Variants in OR51B5 observed in about 807,000 individuals in gnomAD.
The protein encoded by OR51B5 is olfactory receptor family 51 subfamily B member 5, also known as olfactory receptor 51B5.
For missense variants in OR51B5, 456 were observed against 374.6 expected (o/e 1.22, Z -1.79); for synonymous variants, 186 against 144.8 (o/e 1.28, Z -2.04).
At chr11:5,452,969 C>T (rs1266095588) in intron 1 of OR51B5, among the ~76,000 whole-genome samples, 1 of 152,182 alleles carries the variant, frequency 6.6e-6, no homozygotes, top group Admixed American at 6.5e-5. Flanking sequence ...CCCTCTCCAT[C>T]CAAGCACACA....
chr11:5,398,024 G>A (rs1379443599), intron 1 of OR51B5, among the ~76,000 whole-genome samples: 1 of 152,074 alleles, frequency 6.6e-6, no homozygotes, highest in Non-Finnish European at 1.5e-5. Context: ...ACACAGGAAG[G>A]GGAACATCAC....
In OR51B5 at chr11:5,459,132, T is replaced by A. The variant is rs113601568; in HGVS notation, n.84+46437A>T. ...ATTATTTTGAGGTATAATCCTTCAATACCTAGTTTATTGAGTGTTTTTAGT... is the reference window on the plus strand; with the variant it reads ...ATTATTTTGAGGTATAATCCTTCAAAACCTAGTTTATTGAGTGTTTTTAGT... On this transcript the variant is annotated intron_variant and non_coding_transcript_variant, in intron 1 of 4. Coordinates refer to the OR51B5 transcript ENST00000415970. Among the ~76,000 whole-genome samples, 1,377 of 152,342 alleles carry A rather than the reference T, an allele frequency of 9.0e-3. 17 individuals carry two copies. The highest frequency in any genetic ancestry group is 0.031 in the African/African-American group (1,270 of 41,572).
chr11:5,476,608 G>A (rs142957128), intron 1 of OR51B5, among the ~76,000 whole-genome samples: 147 of 152,274 alleles, frequency 9.7e-4, no homozygotes, highest in African/African-American at 1.9e-3. Context: ...TGAACAAGCC[G>A]ATAAGAGGAA....
Position 5,488,551 on chromosome 11 carries a change from T to A in OR51B5, n.84+17018A>T, listed in dbSNP as rs982926323. The A allele has an allele frequency of 3.3e-5, 20 of 608,042 alleles. No individual in the cohort carries two copies. The Admixed American group carries it at 5.3e-4, about 16-fold the overall frequency. The allele number at this position is 608,042 out of a possible 1,614,324, so 37.7% of individuals were successfully genotyped here. A position where few individuals can be genotyped will look rare whatever the true frequency, so the allele number is the denominator to read the frequency against. On this transcript the variant is annotated intron_variant and non_coding_transcript_variant, in intron 1 of 4. Coordinates refer to the OR51B5 transcript ENST00000415970. ...AAAATGAATTATATGTGGTAGTCAT[T>A]TCAGATGTTTGTACAAGTGAAAAAC...
intron 1 of OR51B5, among the ~76,000 whole-genome samples, chr11:5,438,042 C>A (rs1274268505): frequency 6.6e-6 from 1 of 152,044 alleles, no homozygotes; most frequent in Non-Finnish European, 1.5e-5. Context: ...TTGGTTGGAT[C>A]AAAAATTATG....
chr11:5,399,792 A>T (rs12222084), intron 1 of OR51B5, among the ~76,000 whole-genome samples: 57,524 of 151,368 alleles, frequency 0.38, 12,679 homozygotes, highest in Non-Finnish European at 0.5. Flanking sequence ...AAGAAAGAAA[A>T]AAAAAGGAAG....
intron 1 of OR51B5, among the ~76,000 whole-genome samples, chr11:5,372,922 T>C (rs1317026410): frequency 2.6e-5 from 4 of 152,180 alleles, no homozygotes; most frequent in South Asian, 2.1e-4. Flanking sequence ...TTTCAAATTA[T>C]ATTACAAAGC....
At chr11:5,467,025 C>G (rs1319774059) in intron 1 of OR51B5, among the ~76,000 whole-genome samples, 1 of 152,172 alleles carries the variant, frequency 6.6e-6, no homozygotes, top group Non-Finnish European at 1.5e-5. Flanking sequence ...GAGGCTATAT[C>G]CTTTTGGAAG....
chr11:5,463,221 C>T (rs899553816), intron 1 of OR51B5, among the ~76,000 whole-genome samples: 1 of 152,274 alleles, frequency 6.6e-6, no homozygotes, highest in South Asian at 2.1e-4. Context: ...ACAATTCAGG[C>T]GTCAGTTGAC....
intron 1 of OR51B5, among the ~76,000 whole-genome samples, chr11:5,424,931 G>C (rs1423284854): frequency 4.0e-5 from 4 of 101,030 alleles, no homozygotes; most frequent in Non-Finnish European, 8.8e-5. Context: ...GCAGTGAGCC[G>C]AGATCCCGCC....
intron 1 of OR51B5, among the ~76,000 whole-genome samples, chr11:5,356,435 A>G (rs1845256086): frequency 6.6e-6 from 1 of 150,498 alleles, no homozygotes. Context: ...AAAAAAGAAT[A>G]AAAAGAAATG....
chr11:5,350,959 G>T (rs4301813), intron 1 of OR51B5, among the ~76,000 whole-genome samples: 27,171 of 151,998 alleles, frequency 0.18, 2,643 homozygotes, highest in Middle Eastern at 0.35. Flanking sequence ...CTATTTTATT[G>T]TATTTGCTCA....
At chr11:5,358,425 C>A (rs1468427949) in intron 1 of OR51B5, among the ~76,000 whole-genome samples, 1 of 152,132 alleles carries the variant, frequency 6.6e-6, no homozygotes, top group Non-Finnish European at 1.5e-5. Context: ...CACATACACC[C>A]TCCCAAGACT....
chr11:5,440,602 T>A, intron 1 of OR51B5: 1 of 1,613,490 alleles, frequency 6.2e-7, no homozygotes, highest in Non-Finnish European at 8.5e-7. Context: ...AACTTGAGAA[T>A]CCCTTTGCGG....
exon 1 of OR51B5, chr11:5,343,426 A>G (rs1315791300): frequency 1.2e-6 from 2 of 1,612,528 alleles, no homozygotes; most frequent in Non-Finnish European, 1.7e-6. Flanking sequence ...GGATGGATAT[A>G]TACATGAACA....
intron 1 of OR51B5, among the ~76,000 whole-genome samples, chr11:5,425,669 G>A (rs1266138168): frequency 6.6e-6 from 1 of 152,008 alleles, no homozygotes; most frequent in African/African-American, 2.4e-5. Context: ...TAACTATACT[G>A]GTCATATTTT....
intron 1 of OR51B5, among the ~76,000 whole-genome samples, chr11:5,374,689 G>A (rs543952096): frequency 5.1e-4 from 77 of 152,328 alleles, no homozygotes; most frequent in African/African-American, 1.7e-3. Context: ...GAAGAATGGA[G>A]AAGCCTCAGG....
intron 1 of OR51B5, among the ~76,000 whole-genome samples, chr11:5,415,611 A>T (rs545014325): frequency 6.6e-6 from 1 of 152,234 alleles, no homozygotes; most frequent in African/African-American, 2.4e-5. Context: ...CCGATCCCAC[A>T]GAAATACAAA....
chr11:5,408,487 C>T (rs1197010942), intron 1 of OR51B5, among the ~76,000 whole-genome samples: 2 of 151,860 alleles, frequency 1.3e-5, no homozygotes, highest in Non-Finnish European at 2.9e-5. Flanking sequence ...GTTCTAATTC[C>T]TTATGTTCTC....
Sources: allele counts gnomAD v4.1 joint callset (sites outside exome capture counted in the v4.1 genomes callset), GRCh38; gene constraint gnomAD v4.1.1; transcripts MANE v1.5; gene names NCBI Gene and HGNC (gene_info 2026-07-23, HGNC 2026-07-21).